The following CPNE4 variants were observed in gnomAD, a reference collection of about 807,000 sequenced individuals.
The protein encoded by CPNE4 is copine 4.
A neutral mutation model predicts 67.9 loss-of-function variants in CPNE4; 25 were observed. That is an observed-to-expected ratio of 0.37 (90% confidence interval 0.27 to 0.51). CPNE4 has a LOEUF of 0.51. Among genes scored for constraint, CPNE4 ranks in the 20% least tolerant of loss-of-function variants. CPNE4 has a pLI of 0.93. For synonymous variants in CPNE4, 242 were observed against 244.9 expected, an observed-to-expected ratio of 0.99 and a Z score of 0.11; for missense variants, 464 against 690.8, an observed-to-expected ratio of 0.67 and a Z score of 3.68.
chr3:131,907,338 T>C (rs188041462), intron 1 of CPNE4, among the ~76,000 whole-genome samples: 4 of 152,286 alleles, frequency 2.6e-5, no homozygotes, highest in Admixed American at 2.6e-4. Context: ...GTGGAATTTC[T>C]TCATCTATAA....
In CPNE4 at chr3:131,644,745, GA is replaced by G. The variant is rs1339247471; in HGVS notation, c.681+24929del. Among the ~76,000 whole-genome samples, 7 of 152,256 alleles carry G rather than the reference GA, an allele frequency of 4.6e-5. No homozygotes were observed. The East Asian group carries it at 1.4e-3, about 29-fold the overall frequency. ...TCATCCTCTGGGACTTACAGGAATG[GA>G]AAAGGTCTAAGAATGCTCTGGACTC... is the stretch of plus-strand genomic sequence containing the variant. On this transcript the variant is annotated intron_variant, in intron 7 of 15. Transcript: ENST00000429747.
At chr3:131,923,704 C>CAA (rs3041574) in intron 1 of CPNE4, among the ~76,000 whole-genome samples, 4,082 of 39,302 alleles carry the variant, frequency 0.1, 297 homozygotes, top group Middle Eastern at 0.12. Flanking sequence ...GACTCCGTCT[C>CAA]AAAAAAAAAA....
intron 7 of CPNE4, among the ~76,000 whole-genome samples, chr3:131,589,406 A>C (rs1938394055): frequency 6.6e-6 from 1 of 152,232 alleles, no homozygotes; most frequent in Admixed American, 6.5e-5. Context: ...AAGACTCGGC[A>C]GGCAAGCAAG....
At chr3:131,948,228 C>T (rs1046118372) in intron 1 of CPNE4, among the ~76,000 whole-genome samples, 2 of 152,068 alleles carry the variant, frequency 1.3e-5, no homozygotes, top group East Asian at 1.9e-4. Flanking sequence ...GTCAGGACCA[C>T]GTGGAGGTAA....
intron 1 of CPNE4, among the ~76,000 whole-genome samples, chr3:131,988,631 C>A (rs1040897087): frequency 6.6e-6 from 1 of 152,170 alleles, no homozygotes; most frequent in African/African-American, 2.4e-5. Context: ...CACTTGCACA[C>A]CTGTAAAAAT....
At chr3:131,877,465 C>A (rs12629564) in intron 2 of CPNE4, among the ~76,000 whole-genome samples, 1 of 151,936 alleles carries the variant, frequency 6.6e-6, no homozygotes, top group African/African-American at 2.4e-5. Context: ...GATCCTCTAG[C>A]CTAGTTTTCT....
At chr3:131,543,092 C>T (rs1275885781) in intron 14 of CPNE4, 2 of 294,778 alleles carry the variant, frequency 6.8e-6, no homozygotes, top group African/African-American at 2.2e-5. Context: ...TCTGTGAGAC[C>T]CTGGGACGAT....
intron 1 of CPNE4, among the ~76,000 whole-genome samples, chr3:131,968,480 A>G (rs1043397069): frequency 2.0e-5 from 3 of 152,256 alleles, no homozygotes; most frequent in Non-Finnish European, 4.4e-5. Flanking sequence ...TCTAATATCC[A>G]GAATCTATGA....
chr3:131,565,640 T>C (rs72999204), intron 10 of CPNE4, among the ~76,000 whole-genome samples: 1 of 152,030 alleles, frequency 6.6e-6, no homozygotes, highest in East Asian at 1.9e-4. Context: ...ATTTATAGGC[T>C]TTTTTCTTTT....
intron 2 of CPNE4, among the ~76,000 whole-genome samples, chr3:131,773,028 G>C (rs949271675): frequency 1.3e-5 from 2 of 152,022 alleles, no homozygotes; most frequent in African/African-American, 4.8e-5. Context: ...GATGACAAAG[G>C]GATAGAATTA....
intron 2 of CPNE4, among the ~76,000 whole-genome samples, chr3:131,799,272 A>G (rs1030487867): frequency 1.3e-5 from 2 of 152,188 alleles, no homozygotes; most frequent in Non-Finnish European, 2.9e-5. Flanking sequence ...GGGCAGCATC[A>G]TTAAGACCAA....
chr3:131,907,088 C>CA (rs1161303451), intron 1 of CPNE4, among the ~76,000 whole-genome samples: 4 of 152,004 alleles, frequency 2.6e-5, no homozygotes, highest in Non-Finnish European at 4.4e-5. Flanking sequence ...TTTATGCAGC[C>CA]AAAAAACACA....
intron 2 of CPNE4, among the ~76,000 whole-genome samples, chr3:131,740,521 C>A (rs1396142051): frequency 6.6e-6 from 1 of 152,140 alleles, no homozygotes; most frequent in African/African-American, 2.4e-5. Flanking sequence ...ATATCCAACC[C>A]ACCACCAAAT....
Position 132,034,362 on chromosome 3 carries a change from G to C in CPNE4, c.-2+205C>G, listed in dbSNP as rs562895684. Among the ~76,000 whole-genome samples, 40 of 152,334 alleles carry C rather than the reference G, an allele frequency of 2.6e-4. 1 individual carries two copies. In the South Asian group the frequency reaches 7.9e-3, roughly 30 times the overall value. The stretch of plus-strand genomic sequence containing the variant: ...TGGGCGAGTTGGGTGGATGTCAGAA[G>C]GCGAGAGGTAGGGGATGGAAGTCCC... On this transcript the variant is annotated intron_variant, in intron 1 of 15. Transcript: ENST00000429747.
At chr3:131,544,693 G>A (rs747265761) in intron 14 of CPNE4, among the ~76,000 whole-genome samples, 5 of 152,164 alleles carry the variant, frequency 3.3e-5, no homozygotes, top group Non-Finnish European at 5.9e-5. Context: ...CAATGTTGGT[G>A]GTTTGGGGAT....
At chr3:131,546,664 CT>C (rs1935856714) in intron 14 of CPNE4, among the ~76,000 whole-genome samples, 1 of 152,170 alleles carries the variant, frequency 6.6e-6, no homozygotes, top group Non-Finnish European at 1.5e-5. Flanking sequence ...CCAGCTATCC[CT>C]GAGGGAGTGA....
intron 1 of CPNE4, among the ~76,000 whole-genome samples, chr3:131,940,146 T>C (rs2107854164): frequency 6.6e-6 from 1 of 152,256 alleles, no homozygotes; most frequent in South Asian, 2.1e-4. Context: ...AACTAATTCA[T>C]GAAATTAAGG....
intron 2 of CPNE4, among the ~76,000 whole-genome samples, chr3:131,734,830 G>C (rs2082200680): frequency 6.6e-6 from 1 of 152,162 alleles, no homozygotes; most frequent in Non-Finnish European, 1.5e-5. Context: ...AGTCGAGGCT[G>C]CAGTGAGCCA....
intron 1 of CPNE4, among the ~76,000 whole-genome samples, chr3:131,931,158 C>T (rs572480869): frequency 2.6e-5 from 4 of 152,276 alleles, no homozygotes; most frequent in African/African-American, 7.2e-5. Context: ...GCCAACAAAA[C>T]TTGCTCTCCC....
Sources: allele counts gnomAD v4.1 joint callset (sites outside exome capture counted in the v4.1 genomes callset), GRCh38; gene constraint gnomAD v4.1.1; transcripts MANE v1.5; gene names NCBI Gene and HGNC (gene_info 2026-07-23, HGNC 2026-07-21).